Variants in PPP2R5C observed in about 807,000 individuals in gnomAD.
PPP2R5C encodes protein phosphatase 2 regulatory subunit B'gamma.
A neutral mutation model predicts 68.9 loss-of-function variants in PPP2R5C; 7 were observed. That is an observed-to-expected ratio of 0.10 (90% CI 0.06 to 0.19). The LOEUF (loss-of-function observed/expected upper bound fraction) is 0.19. PPP2R5C is among the 10% of genes least tolerant of loss of function. The pLI, the probability that PPP2R5C is intolerant of heterozygous loss-of-function variation, is 1.00. For missense variants in PPP2R5C, 348 were observed against 641.3 expected (o/e 0.54, Z 4.94); for synonymous variants, 210 against 222.2 (o/e 0.95, Z 0.49).
chr14:101,768,206 T>A (rs1348324518), intron 2 of PPP2R5C, among the ~76,000 whole-genome samples: 1 of 152,170 alleles, frequency 6.6e-6, no homozygotes, highest in Non-Finnish European at 1.5e-5. Flanking sequence ...AATCGCCCCC[T>A]GTTGAGCCAC....
At chr14:101,927,263 T>C (rs1250985705) in exon 14 of PPP2R5C, 4 of 152,264 alleles carry the variant, frequency 2.6e-5, no homozygotes, top group Non-Finnish European at 4.4e-5. Flanking sequence ...AGAACATCTT[T>C]TTGTCTAGGT....
intron 1 of PPP2R5C, among the ~76,000 whole-genome samples, chr14:101,855,824 T>G (rs2042389066): frequency 6.6e-6 from 1 of 152,196 alleles, no homozygotes; most frequent in Admixed American, 6.5e-5. Flanking sequence ...TTCATCCACT[T>G]GCCAGCACTG....
At position 101,835,740 on chromosome 14, in the gene PPP2R5C, G is replaced by A. The variant is rs549635959; in HGVS notation, c.95-20946G>A. Among the ~76,000 whole-genome samples, 3 of 152,338 alleles carry A rather than the reference G, an allele frequency of 2.0e-5. No individual in the cohort carries two copies. The highest frequency in any genetic ancestry group is 7.2e-5 in the African/African-American group (3 of 41,570). Reference sequence around the variant, plus strand: ...GGACCAGTAGCATGTGTGGGACCACGCCGCCTGCACAGCCGTCCCCTCACG... The same window carrying A: ...GGACCAGTAGCATGTGTGGGACCACACCGCCTGCACAGCCGTCCCCTCACG... On this transcript the variant is annotated intron_variant, in intron 1 of 13. Coordinates refer to ENST00000334743, the Ensembl canonical transcript of PPP2R5C. The surrounding 1 kb of genome is among the most constrained non-coding windows in gnomAD (Gnocchi z 5.0).
chr14:101,899,554 G>T lies in PPP2R5C; in HGVS notation c.853-2165G>T, dbSNP rs1045492619. ...AAACAATGTGAACAGGAAGGCCCGT[G>T]TGTGAATCCGATCCCAGAAATGATA... On this transcript the variant is annotated intron_variant, in intron 8 of 13. Coordinates refer to ENST00000334743, the Ensembl canonical transcript of PPP2R5C. This position sits in a 1 kb window ranked among gnomAD's most constrained non-coding sequence, Gnocchi z 4.2. 4.6e-5 allele frequency among the ~76,000 whole-genome samples: 7 copies of T among 152,244 alleles called. No homozygotes were observed. Among genetic ancestry groups the T allele is most frequent in the African/African-American group, 1.7e-4 (7 of 41,458 alleles).
intron 2 of PPP2R5C, among the ~76,000 whole-genome samples, chr14:101,869,126 C>T (rs577596703): frequency 2.6e-5 from 4 of 152,212 alleles, no homozygotes; most frequent in Non-Finnish European, 5.9e-5. Flanking sequence ...CTCTCTGCCC[C>T]TCACTAGTCT....
chr14:101,795,437 T>C (rs540361769), intron 3 of PPP2R5C, among the ~76,000 whole-genome samples: 1 of 152,306 alleles, frequency 6.6e-6, no homozygotes, highest in East Asian at 1.9e-4. Flanking sequence ...GACCTGTTCA[T>C]TGTAAGATTA....
At chr14:101,927,913 C>T (rs772088967) in exon 14 of PPP2R5C, 2 of 152,178 alleles carry the variant, frequency 1.3e-5, no homozygotes, top group Non-Finnish European at 2.9e-5. Context: ...GCTCTTTTAT[C>T]TAATTTTCAA....
chr14:101,846,921 T>C (rs2041862137), intron 1 of PPP2R5C, among the ~76,000 whole-genome samples: 1 of 152,264 alleles, frequency 6.6e-6, no homozygotes. Context: ...TAGATTTTTC[T>C]ATCAAAGCAC....
intron 2 of PPP2R5C, among the ~76,000 whole-genome samples, chr14:101,859,133 G>C (rs569471987): frequency 6.6e-6 from 1 of 152,198 alleles, no homozygotes; most frequent in Non-Finnish European, 1.5e-5. Flanking sequence ...GGCCAGGCAC[G>C]TTTTGGGGTG....
intron 9 of PPP2R5C, among the ~76,000 whole-genome samples, chr14:101,903,495 C>T (rs554658043): frequency 3.1e-4 from 47 of 152,318 alleles, no homozygotes; most frequent in African/African-American, 1.1e-3. Flanking sequence ...TGAGGGAGTT[C>T]AGTGCCAGGA....
At chr14:101,926,593 C>G (rs2047296460) in exon 14 of PPP2R5C, 1 of 152,602 alleles carries the variant, frequency 6.6e-6, no homozygotes, top group Non-Finnish European at 1.5e-5. Context: ...GAGATGTGTA[C>G]TGCTATTCTA....
At chr14:101,834,339 T>C (rs1194015006) in intron 1 of PPP2R5C, among the ~76,000 whole-genome samples, 1 of 152,224 alleles carries the variant, frequency 6.6e-6, no homozygotes, top group African/African-American at 2.4e-5. Context: ...ACGGCAGCAC[T>C]GAGGGTCAGC....
intron 2 of PPP2R5C, among the ~76,000 whole-genome samples, chr14:101,866,039 C>A (rs2043043809): frequency 6.6e-6 from 1 of 152,184 alleles, no homozygotes; most frequent in Admixed American, 6.5e-5. Context: ...GGATTACAGG[C>A]ATGCGCCACC....
chr14:101,903,248 T>C (rs946093987), intron 9 of PPP2R5C, among the ~76,000 whole-genome samples: 5 of 152,180 alleles, frequency 3.3e-5, no homozygotes, highest in African/African-American at 1.2e-4. Context: ...TAGCTATCGC[T>C]ATGGGTAACG....
chr14:101,852,854 C>T (rs2042241219), intron 1 of PPP2R5C, among the ~76,000 whole-genome samples: 1 of 152,064 alleles, frequency 6.6e-6, no homozygotes, highest in African/African-American at 2.4e-5. Flanking sequence ...ACGGGTTTTG[C>T]ATGAGTATGT....
At chr14:101,925,633 C>T (rs925276005) in exon 14 of PPP2R5C, 8 of 168,814 alleles carry the variant, frequency 4.7e-5, no homozygotes, top group African/African-American at 1.9e-4. Context: ...TCTGTGATAA[C>T]ATCAGTGTTT....
rs142540553 is a variant in PPP2R5C, at chr14:101,850,080, A to T, written c.95-6606A>T. Among the ~76,000 whole-genome samples the T allele has an allele frequency of 2.2e-3, 336 of 152,304 alleles. 1 individual carries two copies. Among genetic ancestry groups the T allele is most frequent in the African/African-American group, 7.6e-3 (315 of 41,576 alleles). ...CCGTAGGTCAGTTTCTTACTCGGGT[A>T]ACTGTTATCCACAGGCTGCTAGAGC... On this transcript the variant is annotated intron_variant, in intron 1 of 13. Transcript: ENST00000334743.
intron 1 of PPP2R5C, among the ~76,000 whole-genome samples, chr14:101,848,122 A>G (rs915391876): frequency 1.3e-5 from 2 of 152,220 alleles, no homozygotes; most frequent in African/African-American, 4.8e-5. Context: ...ATCTTTATAT[A>G]AATAGAAAAA....
At chr14:101,904,359 A>G (rs945096209) in intron 9 of PPP2R5C, among the ~76,000 whole-genome samples, 5 of 152,026 alleles carry the variant, frequency 3.3e-5, no homozygotes, top group African/African-American at 1.2e-4. Context: ...CATGTTGGCC[A>G]GGCTGGCCTT....
Sources: gnomAD v4.1 joint callset for allele counts (sites outside exome capture counted in the v4.1 genomes callset) on GRCh38, gnomAD v4.1.1 for gene constraint, Gnocchi (gnomAD v3.1) non-coding constraint, MANE v1.5 for transcripts, NCBI Gene and HGNC (gene_info 2026-07-23, HGNC 2026-07-21) for gene names.